The following EYS variants were observed in gnomAD, a reference collection of about 807,000 sequenced individuals.
The protein encoded by EYS is protein eyes shut homolog.
Under a neutral mutation model 282.1 loss-of-function variants are expected in EYS, and 250 were observed. The ratio of observed to expected loss-of-function variants is 0.89; its 90% CI spans 0.80 to 0.98. EYS has a LOEUF of 0.98. Ranked by LOEUF, EYS falls within the 50% of genes least tolerant of loss-of-function variation. The pLI, the probability that EYS is intolerant of heterozygous loss-of-function variation, is 0.00. For synonymous variants in EYS, 1,355 were observed against 1,282.9 expected, an observed-to-expected ratio of 1.06 and a Z score of -1.20; for missense variants, 4,016 against 3,709.0, an observed-to-expected ratio of 1.08 and a Z score of -2.15.
At chr6:65,227,817 A>C (rs1021991702) in intron 12 of EYS, among the ~76,000 whole-genome samples, 1 of 150,144 alleles carries the variant, frequency 6.7e-6, no homozygotes, top group African/African-American at 2.5e-5. Context: ...TAAGCCAGAC[A>C]AAAAAAGGAC....
chr6:64,444,311 G>A (rs528663346), intron 26 of EYS, among the ~76,000 whole-genome samples: 1 of 152,278 alleles, frequency 6.6e-6, no homozygotes, highest in South Asian at 2.1e-4. Context: ...TTGTAAAAGT[G>A]TGTTGACCTT....
At chr6:65,373,783 A>C (rs1016666655) in intron 8 of EYS, among the ~76,000 whole-genome samples, 14 of 152,140 alleles carry the variant, frequency 9.2e-5, no homozygotes, top group Non-Finnish European at 1.8e-4. Context: ...ATAATATTAT[A>C]ATGAACATTT....
intron 2 of EYS, among the ~76,000 whole-genome samples, chr6:65,552,645 G>A (rs1036857888): frequency 6.6e-6 from 1 of 151,908 alleles, no homozygotes; most frequent in African/African-American, 2.4e-5. Context: ...CATTCTCTCT[G>A]GCAATTTAAT....
At chr6:64,674,254 G>A (rs1769572399) in intron 22 of EYS, among the ~76,000 whole-genome samples, 1 of 152,060 alleles carries the variant, frequency 6.6e-6, no homozygotes, top group African/African-American at 2.4e-5. Flanking sequence ...TTAGCAGAGG[G>A]CAGCTGATAC....
At chr6:64,133,115 A>G (rs1045732326) in intron 31 of EYS, among the ~76,000 whole-genome samples, 1 of 152,102 alleles carries the variant, frequency 6.6e-6, no homozygotes, top group African/African-American at 2.4e-5. Flanking sequence ...AGTCAGTCTC[A>G]GGAAGGAATA....
chr6:65,452,492 C>T (rs1321965674), intron 5 of EYS, among the ~76,000 whole-genome samples: 1 of 151,720 alleles, frequency 6.6e-6, no homozygotes, highest in Non-Finnish European at 1.5e-5. Flanking sequence ...AATGTATTAC[C>T]TCATTCGAGA....
chr6:63,906,863 T>C (rs1232959701), intron 35 of EYS, among the ~76,000 whole-genome samples: 1 of 151,956 alleles, frequency 6.6e-6, no homozygotes, highest in Non-Finnish European at 1.5e-5. Context: ...TTCGGTATAT[T>C]GATCATATTG....
intron 26 of EYS, among the ~76,000 whole-genome samples, chr6:64,466,477 T>C (rs1582789979): frequency 6.6e-6 from 1 of 152,232 alleles, no homozygotes; most frequent in Middle Eastern, 3.4e-3. Flanking sequence ...GGGAGCACCA[T>C]GTAAAGTGAA....
chr6:64,498,795 C>G (rs1375625860), intron 26 of EYS, among the ~76,000 whole-genome samples: 1 of 152,126 alleles, frequency 6.6e-6, no homozygotes, highest in Non-Finnish European at 1.5e-5. Context: ...AGGACATAAA[C>G]TCATCCTTTT....
At chr6:65,047,392 T>A (rs1268648523) in intron 13 of EYS, among the ~76,000 whole-genome samples, 1 of 151,932 alleles carries the variant, frequency 6.6e-6, no homozygotes, top group Non-Finnish European at 1.5e-5. Context: ...TTTATTAATT[T>A]TTCCATTTCT....
chr6:64,002,353 T>C (rs924786346), intron 33 of EYS, among the ~76,000 whole-genome samples: 1 of 152,242 alleles, frequency 6.6e-6, no homozygotes, highest in Non-Finnish European at 1.5e-5. Flanking sequence ...TCTGGGACAC[T>C]GGGCAAGAGC....
intron 2 of EYS, among the ~76,000 whole-genome samples, chr6:65,542,054 TA>T (rs990422938): frequency 2.0e-5 from 3 of 152,146 alleles, no homozygotes; most frequent in Non-Finnish European, 4.4e-5. Context: ...ACAAATACAT[TA>T]ATGTGCAAGG....
At chr6:63,852,447 C>T (rs573013839) in intron 36 of EYS, among the ~76,000 whole-genome samples, 2 of 152,218 alleles carry the variant, frequency 1.3e-5, no homozygotes, top group South Asian at 2.1e-4. Flanking sequence ...AATCAAATCC[C>T]TGAATAGACC....
intron 11 of EYS, among the ~76,000 whole-genome samples, chr6:65,317,927 G>A (rs1160288403): frequency 6.8e-6 from 1 of 147,284 alleles, no homozygotes; most frequent in Non-Finnish European, 1.5e-5. Flanking sequence ...GAGGGCAGTG[G>A]TGCGATCTCG....
intron 8 of EYS, among the ~76,000 whole-genome samples, chr6:65,374,225 G>A (rs1168870374): frequency 1.3e-5 from 2 of 152,006 alleles, no homozygotes; most frequent in Non-Finnish European, 2.9e-5. Flanking sequence ...CAGTGAGTGC[G>A]GCCCACCAAG....
intron 12 of EYS, among the ~76,000 whole-genome samples, chr6:65,118,306 G>T (rs1998285): frequency 6.6e-6 from 1 of 151,926 alleles, no homozygotes; most frequent in African/African-American, 2.4e-5. Flanking sequence ...CATGATGAGG[G>T]CCTAGTTAGG....
intron 2 of EYS, among the ~76,000 whole-genome samples, chr6:65,605,182 A>C (rs546657399): frequency 2.2e-4 from 34 of 151,958 alleles, no homozygotes; most frequent in African/African-American, 8.0e-4. Flanking sequence ...AAAATGTTGA[A>C]AAATTTCTAC....
intron 36 of EYS, chr6:63,822,659 C>T (rs947109311): frequency 3.9e-5 from 6 of 152,102 alleles, no homozygotes; most frequent in South Asian, 2.1e-4. Flanking sequence ...TTTTTTGTCT[C>T]GTACAAATTT....
At chr6:65,209,779 C>T (rs975182976) in intron 12 of EYS, among the ~76,000 whole-genome samples, 4 of 151,898 alleles carry the variant, frequency 2.6e-5, no homozygotes, top group Admixed American at 6.6e-5. Context: ...GATCACCAAT[C>T]TAAGGAGCTA....
Sources: gnomAD v4.1 joint callset for allele counts (sites outside exome capture counted in the v4.1 genomes callset) on GRCh38, gnomAD v4.1.1 for gene constraint, MANE v1.5 for transcripts, NCBI Gene and HGNC (gene_info 2026-07-23, HGNC 2026-07-21) for gene names.